AGA: variants seen among roughly 807,000 people sequenced by gnomAD.
The protein encoded by AGA is N(4)-(beta-N-acetylglucosaminyl)-L-asparaginase.
Under a neutral mutation model 40.1 loss-of-function variants are expected in AGA, and 31 were observed. That is an observed-to-expected ratio of 0.77 (90% CI 0.58 to 1.04). The LOEUF (loss-of-function observed/expected upper bound fraction) is 1.04. AGA is among the 50% of genes least tolerant of loss of function. The pLI is 0.00. For missense variants in AGA, 445 were observed against 435.4 expected, an observed-to-expected ratio of 1.02 and a Z score of -0.20; for synonymous variants, 148 against 144.0, an observed-to-expected ratio of 1.03 and a Z score of -0.20.
chr4:177,442,382 C>T lies in AGA; in HGVS notation c.-7G>A. 2 of 1,614,002 alleles carry T rather than the reference C, an allele frequency of 1.2e-6. No individual in the cohort carries two copies. The highest frequency in any genetic ancestry group is 1.7e-6 in the Non-Finnish European group (2 of 1,179,922). ...AGTTCGACTTCCGCGCCATCCCTGACCACCGAAGAGACCAGCGCGAGAAAA... is the reference window on the plus strand; with the variant it reads ...AGTTCGACTTCCGCGCCATCCCTGATCACCGAAGAGACCAGCGCGAGAAAA... On this transcript the variant is annotated 5_prime_UTR_variant, in exon 1 of 9. Coordinates refer to ENST00000264595, the MANE Select transcript of AGA (RefSeq NM_000027.4).
Position 177,440,411 on chromosome 4 carries a change from G to A in AGA, c.143C>T (p.Ala48Val). Residue 48 changes from alanine (A) to valine (V), a missense_variant, in exon 2 of 9, where the codon GCA becomes GTA. Coordinates refer to ENST00000264595, the MANE Select transcript of AGA (RefSeq NM_000027.4). ...NATEAAWRAL[A>V]SGGSALDAVE... ...TGCATCCAGGGCAGAGCCTCCAGAT[G>A]CTAATGCCCTCCACGCTGTTAATCA... is the stretch of plus-strand genomic sequence containing the variant. 2 of 1,613,792 alleles carry A rather than the reference G, an allele frequency of 1.2e-6. No homozygotes were observed. The highest frequency in any genetic ancestry group is 1.3e-5 in the African/African-American group (1 of 74,960).
At position 177,434,578 on chromosome 4, in the gene AGA, T is replaced by C. The variant is rs564553960; in HGVS notation, c.699-89A>G. 2,448 of 1,065,206 alleles carry C rather than the reference T, an allele frequency of 2.3e-3. 3 individuals are homozygous for C. The highest frequency in any genetic ancestry group is 3.0e-3 in the Non-Finnish European group (2,062 of 682,912). The allele number at this position is 1,065,206 out of a possible 1,614,324, so 66.0% of individuals were successfully genotyped here. ...TGTTCCAAATAAGGGATAGTTCCAC[T>C]TAGCCTCTGATACCGTTTTAAGTAA... On this transcript the variant is annotated intron_variant, in intron 6 of 8. Transcript: ENST00000264595.
At chr4:177,439,536 C>T (rs753726935) in intron 3 of AGA, 40 bp downstream of exon 3, 2 of 1,422,152 alleles carry the variant, frequency 1.4e-6, no homozygotes, top group Middle Eastern at 1.8e-4. Flanking sequence ...AAACTATAGT[C>T]AAAAGACTAG....
chr4:177,431,726 T>C lies in AGA; in HGVS notation c.1023A>G (p.Glu341=), dbSNP rs113407270. 0.013 allele frequency: 21,412 copies of C among 1,612,348 alleles called. 170 individuals are homozygous for C. Among genetic ancestry groups the C allele is most frequent in the Non-Finnish European group, 0.016 (19,034 of 1,178,396 alleles). Residue 341 remains glutamate, a synonymous_variant, in exon 9 of 9, where the codon GAA becomes GAG. Coordinates refer to ENST00000264595, the MANE Select transcript of AGA (RefSeq NM_000027.4). Reference sequence around the variant, plus strand: ...AGATGGATTAGATGCAGTCCACTTTTTCCTCAGTTGGCTGATTTTTTTCGG... The same window carrying C: ...AGATGGATTAGATGCAGTCCACTTTCTCCTCAGTTGGCTGATTTTTTTCGG... ...YNSEKNQPTE[E]KVDCI is the part of the protein sequence containing the mutation.
chr4:177,437,338 A>G, intron 5 of AGA, 67 bp downstream of exon 5: 1 of 1,083,732 alleles, frequency 9.2e-7, no homozygotes, highest in Non-Finnish European at 1.4e-6. Context: ...GTAGAAGAAT[A>G]GGGAAGAGCT....
At position 177,440,335 on chromosome 4, in the gene AGA, T is replaced by C. The variant is rs999695070; in HGVS notation, c.219A>G (p.Val73=). The C allele has an allele frequency of 6.2e-6, 10 of 1,614,080 alleles. No individual in the cohort carries two copies. Among genetic ancestry groups the C allele is most frequent in the Non-Finnish European group, 8.5e-6 (10 of 1,180,024 alleles). The stretch of plus-strand genomic sequence containing the variant: ...GTTCATCAGGACTTCCTCCAAAGCC[T>C]ACAGAGCCGTCACACTGCTCTCTCT... ...MCEREQCDGS[V]GFGGSPDELG... is the part of the protein sequence containing the mutation. The change falls in exon 2 of 9, where the codon GTA becomes GTG. Residue 73 remains valine, a synonymous_variant. Transcript: ENST00000264595.
intron 5 of AGA, chr4:177,437,155 C>G (rs1736849230): frequency 4.5e-6 from 2 of 449,146 alleles, no homozygotes; most frequent in Admixed American, 7.6e-5. Context: ...ATAAAACTGC[C>G]AAAAAATGAA....
rs781210455 is a variant in AGA, at chr4:177,439,566, A to C, written c.394+10T>G. On this transcript the variant is annotated intron_variant, in intron 3 of 8. Coordinates refer to ENST00000264595, the MANE Select transcript of AGA (RefSeq NM_000027.4). The stretch of plus-strand genomic sequence containing the variant: ...GACTAGAAAAAATTTCAGTGTAGTT[A>C]AAAAAATACCTGACTCTCCTACTAA... 7 of 1,592,916 alleles carry C rather than the reference A, an allele frequency of 4.4e-6. No homozygotes were observed. In the South Asian group the frequency reaches 7.7e-5, roughly 18 times the overall value.
chr4:177,435,859 A>G lies in AGA; in HGVS notation c.698+417T>C, dbSNP rs932859430. Among the ~76,000 whole-genome samples the G allele has an allele frequency of 6.0e-3, 903 of 150,814 alleles. 10 individuals are homozygous for G. The highest frequency in any genetic ancestry group is 0.01 in the Middle Eastern group (3 of 292). On this transcript the variant is annotated intron_variant, in intron 6 of 8. Transcript: ENST00000264595. ...AGTAGTTCTGCGTGCACGCACACAC[A>G]CACACACACACACACCCCTTCTTTC...
In AGA at chr4:177,436,295, T is replaced by C. The variant is rs1488220002; in HGVS notation, c.679A>G (p.Ile227Val). 1 of 1,613,022 alleles carries C rather than the reference T, an allele frequency of 6.2e-7. No homozygotes were observed. Among genetic ancestry groups the C allele is most frequent in the African/African-American group, 1.3e-5 (1 of 74,880 alleles). The stretch of plus-strand genomic sequence containing the variant: ...ACTAACCCATGTATTTTGAATTTTA[T>C]ACCATTTGTAGATGTACCAGCAGCA... ...HIAAGTSTNGIKFKIHGRVGD... is the reference protein window; with the variant it reads ...HIAAGTSTNGVKFKIHGRVGD... Residue 227 changes from isoleucine to valine, a missense_variant, in exon 6 of 9, where the codon ATA becomes GTA. By Grantham distance (29) the Ile-to-Val change is conservative. Coordinates refer to ENST00000264595, the MANE Select transcript of AGA (RefSeq NM_000027.4).
In AGA at chr4:177,433,321, C is replaced by T. The variant is rs367768477; in HGVS notation, c.833G>A (p.Arg278Lys). The change falls in exon 8 of 9, where the codon AGA becomes AAA. Residue 278 changes from arginine (R) to lysine (K), a missense_variant. Transcript: ENST00000264595. Reference protein sequence around the residue: ...PSYQAVEYMRRGEDPTIACQK... With the variant: ...PSYQAVEYMRKGEDPTIACQK... Reference sequence around the variant, plus strand: ...GCAAGCTATGGTTGGATCTTCTCCTCTTCTCATGTATTCTACAGCTTGGTA... The same window carrying T: ...GCAAGCTATGGTTGGATCTTCTCCTTTTCTCATGTATTCTACAGCTTGGTA... 1.9e-6 allele frequency: 3 copies of T among 1,613,920 alleles called. No individual in the cohort carries two copies. Among genetic ancestry groups the T allele is most frequent in the Non-Finnish European group, 2.5e-6 (3 of 1,179,980 alleles).
Position 177,436,338 on chromosome 4 carries a change from G to A in AGA, c.636C>T (p.Ile212=), listed in dbSNP as rs1384548395. Reference sequence around the variant, plus strand: ...CAGCAGCAATATGTCCTGTCTTATGGATTACAACCATGCCTAGAAGTTAAA... The same window carrying A: ...CAGCAGCAATATGTCCTGTCTTATGAATTACAACCATGCCTAGAAGTTAAA... ...RGHDTIGMVV[I]HKTGHIAAGT... Residue 212 remains isoleucine (I), a synonymous_variant, in exon 6 of 9, where the codon ATC becomes ATT. Coordinates refer to ENST00000264595, the MANE Select transcript of AGA (RefSeq NM_000027.4). The A allele has an allele frequency of 1.2e-6, 2 of 1,612,704 alleles. No homozygotes were observed. Among genetic ancestry groups the A allele is most frequent in the Non-Finnish European group, 1.7e-6 (2 of 1,179,464 alleles).
chr4:177,437,689 GATAA>G (rs1736870789), intron 4 of AGA, among the ~76,000 whole-genome samples, 170 bp from the exon 5 acceptor site: 1 of 152,020 alleles, frequency 6.6e-6, no homozygotes, highest in South Asian at 2.1e-4. Context: ...AAACAAATAA[GATAA>G]ATAATTTTAC....
At position 177,431,594 on chromosome 4, in the gene AGA, T is replaced by C. The variant is rs1384885288; in HGVS notation, c.*114A>G. The C allele has an allele frequency of 1.1e-6, 1 of 870,696 alleles. No homozygotes were observed. The highest frequency in any genetic ancestry group is 1.9e-6 in the Non-Finnish European group (1 of 531,040). 53.9% of individuals were successfully genotyped at this position (870,696 alleles called of 1,614,324 possible). ...TTCAACATAAATTTATTTTTGTGTT[T>C]ATTTTACAAAAAGACTTTAGAACAC... is the stretch of plus-strand genomic sequence containing the variant. On this transcript the variant is annotated 3_prime_UTR_variant, in exon 9 of 9. Coordinates refer to ENST00000264595, the MANE Select transcript of AGA (RefSeq NM_000027.4).
rs1560950756 is a variant in AGA, at chr4:177,440,352, G to C, written c.202C>G (p.Gln68Glu). Residue 68 changes from glutamine (Q) to glutamate (E), a missense_variant, in exon 2 of 9, where the codon CAG becomes GAG. Transcript: ENST00000264595. ...ESGCAMCERE[Q>E]CDGSVGFGGS... ...CCAAAGCCTACAGAGCCGTCACACT[G>C]CTCTCTCTCACACATGGCACAGCCG... 6.2e-7 allele frequency: 1 copy of C among 1,613,988 alleles called. No homozygotes were observed. Among genetic ancestry groups the C allele is most frequent in the Non-Finnish European group, 8.5e-7 (1 of 1,180,016 alleles).
rs560612635 is a variant in AGA at position 177,433,533 on chromosome 4, C to T, written c.807-186G>A. 4.6e-5 allele frequency among the ~76,000 whole-genome samples: 7 copies of T among 152,344 alleles called. No homozygotes were observed. The South Asian group carries it at 1.2e-3, about 27-fold the overall frequency. On this transcript the variant is annotated intron_variant, in intron 7 of 8. Coordinates refer to ENST00000264595, the MANE Select transcript of AGA (RefSeq NM_000027.4). ...AAGTCCACTTTGATACAGAGTCTAT[C>T]TTTTCAACTAATCCACCCATGAATT...
In AGA at chr4:177,431,771, A is replaced by C. The variant is rs373878347; in HGVS notation, c.978T>G (p.Phe326Leu). The C allele has an allele frequency of 9.1e-5, 147 of 1,613,830 alleles. No homozygotes were observed. Among genetic ancestry groups the C allele is most frequent in the Non-Finnish European group, 1.2e-4 (142 of 1,179,878 alleles). ...TTTCGGAATTATAAACCATGAAACT[A>C]AACTGAGTAAATGTTGAAAGTTTAT... The part of the protein sequence containing the change: ...ACNKLSTFTQ[F>L]SFMVYNSEKN... Residue 326 changes from phenylalanine to leucine, a missense_variant, in exon 9 of 9, where the codon TTT becomes TTG. Physicochemically the swap from Phe to Leu is conservative, Grantham distance 22. Coordinates refer to ENST00000264595, the MANE Select transcript of AGA (RefSeq NM_000027.4).
intron 7 of AGA, 151 bp from the exon 8 acceptor site, chr4:177,433,498 T>A (rs987315797): frequency 2.4e-6 from 2 of 846,674 alleles, no homozygotes; most frequent in Non-Finnish European, 1.9e-6. Context: ...TGTTAAAGCA[T>A]CCACAAAGCA....
intron 3 of AGA, among the ~76,000 whole-genome samples, chr4:177,439,336 G>A (rs1253438752): frequency 5.9e-5 from 9 of 152,134 alleles, no homozygotes; most frequent in Non-Finnish European, 8.8e-5. Flanking sequence ...AGCTGAGATC[G>A]CGCCATTGCA....
Sources: allele counts gnomAD v4.1 joint callset (sites outside exome capture counted in the v4.1 genomes callset), GRCh38; gene constraint gnomAD v4.1.1; transcripts MANE v1.5; gene names NCBI Gene and HGNC (gene_info 2026-07-23, HGNC 2026-07-21).